Variants in SLC38A1 observed in about 807,000 individuals in gnomAD.
The protein encoded by SLC38A1 is sodium-coupled neutral amino acid symporter 1.
A neutral mutation model predicts 60.3 loss-of-function variants in SLC38A1; 18 were observed. The observed-to-expected ratio is 0.30, with a 90% CI of 0.21 to 0.44. The LOEUF (loss-of-function observed/expected upper bound fraction) is 0.44, where lower values mean the gene tolerates loss of function less well. SLC38A1 is among the 20% of genes least tolerant of loss of function. SLC38A1 has a pLI of 1.00. For synonymous variants in SLC38A1, 196 were observed against 212.1 expected, an observed-to-expected ratio of 0.92 and a Z score of 0.66; for missense variants, 448 against 587.2, an observed-to-expected ratio of 0.76 and a Z score of 2.45.
chr12:46,235,954 A>C (rs568974334), intron 3 of SLC38A1, among the ~76,000 whole-genome samples: 7 of 152,346 alleles, frequency 4.6e-5, no homozygotes, highest in African/African-American at 1.7e-4. Flanking sequence ...GGTGGCAATA[A>C]CCAGCAATCA....
rs557013381 is a variant in SLC38A1 at position 46,186,597 on chromosome 12, G to A, written c.*2373C>T. 3.3e-5 allele frequency: 5 copies of A among 152,272 alleles called. No individual in the cohort carries two copies. The highest frequency in any genetic ancestry group is 1.2e-4 in the African/African-American group (5 of 41,552). The allele number at this position is 152,272 out of a possible 1,614,324, so 9.4% of individuals were successfully genotyped here. On this transcript the variant is annotated 3_prime_UTR_variant, in exon 17 of 17. Transcript: ENST00000398637. ...CAGTGATATTTGACGAATTATGGTA[G>A]GGTCTATTATATTCAGTCAACAACA...
chr12:46,207,497 A>C (rs1348533286), intron 7 of SLC38A1, 32 bp downstream of exon 7: 34 of 1,584,638 alleles, frequency 2.1e-5, no homozygotes, highest in Non-Finnish European at 2.9e-5. Context: ...AATTAGTTTC[A>C]AGTTATGTAA....
At chr12:46,204,033 A>C (rs570454499) in intron 11 of SLC38A1, among the ~76,000 whole-genome samples, 98 of 152,204 alleles carry the variant, frequency 6.4e-4, no homozygotes, top group Non-Finnish European at 1.3e-3. Flanking sequence ...CTGTTTTTGA[A>C]GTATCACCTA....
At chr12:46,241,708 A>G (rs1941455601) in intron 2 of SLC38A1, among the ~76,000 whole-genome samples, 1 of 152,152 alleles carries the variant, frequency 6.6e-6, no homozygotes, top group African/African-American at 2.4e-5. Context: ...AGCTGAAATG[A>G]ATTAAAATGG....
chr12:46,236,243 T>C (rs1481326580), intron 3 of SLC38A1, among the ~76,000 whole-genome samples: 1 of 152,198 alleles, frequency 6.6e-6, no homozygotes, highest in South Asian at 2.1e-4. Context: ...CAATTTTTTA[T>C]GTGTGAAAAA....
At chr12:46,266,021 G>A (rs553202743) in intron 1 of SLC38A1, among the ~76,000 whole-genome samples, 7 of 152,194 alleles carry the variant, frequency 4.6e-5, no homozygotes, top group Non-Finnish European at 7.3e-5. Flanking sequence ...AGGGCAGTAC[G>A]AGAAGGAGAA....
At chr12:46,247,361 C>A (rs1941658011) in intron 1 of SLC38A1, among the ~76,000 whole-genome samples, 1 of 152,162 alleles carries the variant, frequency 6.6e-6, no homozygotes, top group African/African-American at 2.4e-5. Context: ...GAGCTGAAAA[C>A]CATGGCACGA....
chr12:46,207,746 A>C, intron 6 of SLC38A1, 125 bp from the exon 7 acceptor site: 1 of 905,330 alleles, frequency 1.1e-6, no homozygotes, highest in Non-Finnish European at 1.8e-6. Context: ...ACTCACACAA[A>C]TAGTCATTTT....
At chr12:46,200,467 G>A (rs1441792162) in intron 13 of SLC38A1, among the ~76,000 whole-genome samples, 2 of 151,566 alleles carry the variant, frequency 1.3e-5, no homozygotes, top group South Asian at 4.2e-4. Flanking sequence ...CAATTATAAA[G>A]ATAATGAAAG....
rs969817531 is a variant in SLC38A1 at position 46,193,502 on chromosome 12, C to T, written c.1362+4218G>A. ...GGATATCCTTGATAACCTTCTGTCT[C>T]GTTGATCTGTCTAATATTGACAGTG... On this transcript the variant is annotated intron_variant, in intron 16 of 16. Coordinates refer to ENST00000398637, the MANE Select transcript of SLC38A1 (RefSeq NM_030674.4). 3.3e-4 allele frequency among the ~76,000 whole-genome samples: 50 copies of T among 152,204 alleles called. 1 individual carries two copies. The highest frequency in any genetic ancestry group is 6.3e-4 in the Non-Finnish European group (43 of 68,014).
intron 5 of SLC38A1, among the ~76,000 whole-genome samples, chr12:46,213,323 C>CT (rs1048146058): frequency 6.6e-6 from 1 of 152,160 alleles, no homozygotes; most frequent in African/African-American, 2.4e-5. Flanking sequence ...ATCTTGTGTA[C>CT]TTTTTTTGTC....
chr12:46,229,557 T>C lies in SLC38A1; in HGVS notation c.198+7A>G. 6.3e-7 allele frequency: 1 copy of C among 1,590,760 alleles called. No individual in the cohort carries two copies. Among genetic ancestry groups the C allele is most frequent in the Non-Finnish European group, 8.6e-7 (1 of 1,159,510 alleles). On this transcript the variant is annotated splice_region_variant and intron_variant, in intron 4 of 16. Transcript: ENST00000398637. ...AAATAAGCATACTTCATTATAATGA[T>C]ACTTACATACTCATCACACTTCTTT...
At chr12:46,256,083 G>A (rs974638688) in intron 1 of SLC38A1, among the ~76,000 whole-genome samples, 2 of 150,568 alleles carry the variant, frequency 1.3e-5, no homozygotes, top group South Asian at 2.1e-4. Flanking sequence ...GGAGAATGGC[G>A]TGAACCTAGG....
intron 16 of SLC38A1, among the ~76,000 whole-genome samples, chr12:46,193,338 G>A (rs1178759797): frequency 6.6e-6 from 1 of 152,120 alleles, no homozygotes; most frequent in East Asian, 1.9e-4. Flanking sequence ...GCGGAGGAGT[G>A]TTTTACTACC....
In SLC38A1 at chr12:46,207,520, T is replaced by C; in HGVS notation, c.481+9A>G. The C allele has an allele frequency of 1.2e-6, 2 of 1,611,456 alleles. No homozygotes were observed. The highest frequency in any genetic ancestry group is 8.5e-7 in the Non-Finnish European group (1 of 1,177,766). On this transcript the variant is annotated intron_variant, in intron 7 of 16. Transcript: ENST00000398637. Reference sequence around the variant, plus strand: ...TCAAGTTATGTAAAGAAAAGCATGTTCTTTTTACCTCCAGTGTTCTGTAGA... The same window carrying C: ...TCAAGTTATGTAAAGAAAAGCATGTCCTTTTTACCTCCAGTGTTCTGTAGA...
intron 2 of SLC38A1, among the ~76,000 whole-genome samples, chr12:46,242,536 C>T (rs1247634491): frequency 1.3e-5 from 2 of 152,006 alleles, no homozygotes; most frequent in African/African-American, 2.4e-5. Flanking sequence ...CTTTGGGATG[C>T]CCAGGCAGGC....
chr12:46,192,317 C>T (rs976297671), intron 16 of SLC38A1, among the ~76,000 whole-genome samples: 2 of 152,210 alleles, frequency 1.3e-5, no homozygotes, highest in Non-Finnish European at 2.9e-5. Flanking sequence ...TTTTGATGTG[C>T]TGCTGGATTT....
At chr12:46,222,847 A>G (rs547455812) in intron 5 of SLC38A1, among the ~76,000 whole-genome samples, 1 of 152,230 alleles carries the variant, frequency 6.6e-6, no homozygotes, top group African/African-American at 2.4e-5. Context: ...TTAAGCATAC[A>G]TTTTACTTGT....
At chr12:46,228,461 C>A (rs913671902) in intron 5 of SLC38A1, among the ~76,000 whole-genome samples, 1 of 152,144 alleles carries the variant, frequency 6.6e-6, no homozygotes, top group African/African-American at 2.4e-5. Flanking sequence ...CGGAGAAGTG[C>A]TTTCTCCCTC....
Sources: allele counts gnomAD v4.1 joint callset (sites outside exome capture counted in the v4.1 genomes callset), GRCh38; gene constraint gnomAD v4.1.1; transcripts MANE v1.5; gene names NCBI Gene and HGNC (gene_info 2026-07-23, HGNC 2026-07-21).